WDR43: variants seen among roughly 807,000 people sequenced by gnomAD.
WDR43 encodes the protein WD repeat-containing protein 43.
WDR43 carries 13 observed loss-of-function variants against 91.4 expected under a neutral mutation model. That is an observed-to-expected ratio of 0.14 (90% CI 0.09 to 0.23). The LOEUF (loss-of-function observed/expected upper bound fraction) is 0.23. WDR43 is among the 10% of genes least tolerant of loss of function. The pLI is 1.00. For synonymous variants in WDR43, 331 were observed against 287.9 expected (o/e 1.15, Z -1.51); for missense variants, 780 against 809.4 (o/e 0.96, Z 0.44).
chr2:28,905,743 C>T (rs775561076), intron 2 of WDR43, among the ~76,000 whole-genome samples: 1 of 150,658 alleles, frequency 6.6e-6, no homozygotes, highest in African/African-American at 2.4e-5. Flanking sequence ...TGGCTCACTG[C>T]AACCTCTGCC....
At chr2:28,894,992 G>T (rs1670447849) in intron 1 of WDR43, 69 bp downstream of exon 1, 1 of 1,403,540 alleles carries the variant, frequency 7.1e-7, no homozygotes, top group Admixed American at 3.1e-5. Context: ...GGGCCGGGTG[G>T]CGCGTGGTCC....
chr2:28,919,261 A>G (rs1474471370), intron 6 of WDR43, among the ~76,000 whole-genome samples: 3 of 152,114 alleles, frequency 2.0e-5, no homozygotes, highest in Admixed American at 2.0e-4. Flanking sequence ...GTCTCAGTAA[A>G]TAAGTAAATA....
At chr2:28,938,162 C>A (rs1359150179) in intron 14 of WDR43, among the ~76,000 whole-genome samples, 168 bp downstream of exon 14, 1 of 152,124 alleles carries the variant, frequency 6.6e-6, no homozygotes. Context: ...TGACATGAGC[C>A]CTTTCATGAT....
intron 1 of WDR43, among the ~76,000 whole-genome samples, chr2:28,898,802 T>G (rs909280143): frequency 2.0e-5 from 3 of 152,228 alleles, no homozygotes; most frequent in Admixed American, 6.5e-5. Context: ...GTGTAGTGAC[T>G]GCATGTAAAA....
intron 3 of WDR43, among the ~76,000 whole-genome samples, chr2:28,912,350 C>A (rs1045316204): frequency 2.0e-5 from 3 of 152,282 alleles, no homozygotes; most frequent in South Asian, 4.1e-4. Flanking sequence ...TGTTGAGAAT[C>A]TTTATCCCAT....
At chr2:28,936,466 C>T (rs1396148794) in intron 12 of WDR43, among the ~76,000 whole-genome samples, 1 of 152,056 alleles carries the variant, frequency 6.6e-6, no homozygotes, top group Non-Finnish European at 1.5e-5. Context: ...TGTAATACTG[C>T]CTACTATAAA....
chr2:28,937,020 C>A, intron 13 of WDR43, 67 bp downstream of exon 13: 1 of 1,463,262 alleles, frequency 6.8e-7, no homozygotes, highest in South Asian at 1.3e-5. Flanking sequence ...TTAGGTGGTT[C>A]TGATTTCTAA....
At chr2:28,924,014 G>A (rs1671083460) in intron 7 of WDR43, among the ~76,000 whole-genome samples, 1 of 152,166 alleles carries the variant, frequency 6.6e-6, no homozygotes, top group Non-Finnish European at 1.5e-5. Context: ...GTGGAGTCAG[G>A]ATGATAGGAG....
chr2:28,894,748 T>C lies in WDR43; in HGVS notation c.50T>C (p.Val17Ala). 1 of 1,594,098 alleles carries C rather than the reference T, an allele frequency of 6.3e-7. No individual in the cohort carries two copies. Among genetic ancestry groups the C allele is most frequent in the Non-Finnish European group, 8.5e-7 (1 of 1,171,116 alleles). The change falls in exon 1 of 18, where the codon GTC (valine) becomes GCC (alanine). Residue 17 changes from valine (V) to alanine (A), a missense_variant. Coordinates refer to ENST00000407426, the MANE Select transcript of WDR43 (RefSeq NM_015131.3). The stretch of plus-strand genomic sequence containing the variant: ...TGCGACCCCCTGGCCCCTGCTGGGG[T>C]CCCTTGCGCCTTCTCCCCGCACAGC... ...GSCDPLAPAG[V>A]PCAFSPHSQA...
intron 5 of WDR43, among the ~76,000 whole-genome samples, chr2:28,915,909 A>T (rs1670899931): frequency 6.6e-6 from 1 of 152,226 alleles, no homozygotes; most frequent in Non-Finnish European, 1.5e-5. Flanking sequence ...AATTTATCAG[A>T]TCAACTCTTA....
intron 6 of WDR43, 96 bp from the exon 7 acceptor site, chr2:28,922,823 G>C (rs1445292369): frequency 4.5e-6 from 2 of 448,524 alleles, no homozygotes; most frequent in Non-Finnish European, 7.2e-6. Flanking sequence ...TTCTGGTTGT[G>C]TAATGGGGTG....
At chr2:28,910,275 G>A (rs1009508275) in intron 3 of WDR43, among the ~76,000 whole-genome samples, 1 of 152,180 alleles carries the variant, frequency 6.6e-6, no homozygotes, top group African/African-American at 2.4e-5. Flanking sequence ...TATCAGCCTC[G>A]TCTAGGCAGG....
intron 15 of WDR43, among the ~76,000 whole-genome samples, 180 bp from the exon 16 acceptor site, chr2:28,942,132 G>GT (rs1180711631): frequency 6.6e-6 from 1 of 152,150 alleles, no homozygotes; most frequent in African/African-American, 2.4e-5. Context: ...GCTTTACAGA[G>GT]TAATTCTTTC....
chr2:28,939,348 T>C (rs956876852), intron 14 of WDR43, among the ~76,000 whole-genome samples: 2 of 152,128 alleles, frequency 1.3e-5, no homozygotes, highest in African/African-American at 2.4e-5. Flanking sequence ...TGCTTAGAAG[T>C]GAGGAGAGAC....
intron 10 of WDR43, 81 bp downstream of exon 10, chr2:28,927,781 C>T (rs1205752525): frequency 1.3e-6 from 2 of 1,556,264 alleles, no homozygotes; most frequent in Admixed American, 1.8e-5. Context: ...TTGGATAGAG[C>T]CAAAGTTAAA....
rs70958224 is a variant in WDR43 at position 28,922,797 on chromosome 2, G to GTTTTTTT, written c.850-111_850-105dup. 181 of 233,828 alleles carry GTTTTTTT rather than the reference G, an allele frequency of 7.7e-4. 29 individuals are homozygous for GTTTTTTT. Among genetic ancestry groups the GTTTTTTT allele is most frequent in the South Asian group, 1.6e-3 (17 of 10,622 alleles). 14.5% of individuals were successfully genotyped at this position (233,828 alleles called of 1,614,324 possible). A position where few individuals can be genotyped will look rare whatever the true frequency, so the allele number is the denominator to read the frequency against. ...TTATTTTTAAATGGATTCTTGCTGT[G>GTTTTTTT]TTTTTTTTTTTTTTTTTCTGGTTGT... On this transcript the variant is annotated intron_variant, in intron 6 of 17. Coordinates refer to ENST00000407426, the MANE Select transcript of WDR43 (RefSeq NM_015131.3).
chr2:28,918,589 G>A (rs1281815143), intron 6 of WDR43, among the ~76,000 whole-genome samples: 3 of 151,720 alleles, frequency 2.0e-5, no homozygotes, highest in Non-Finnish European at 4.4e-5. Context: ...GGCTGGTCTC[G>A]AACTCCCCAC....
chr2:28,947,858 GTAGTAGT>G lies in WDR43; in HGVS notation c.*1081_*1087del. 1 of 130,200 alleles carries G rather than the reference GTAGTAGT, an allele frequency of 7.7e-6. No individual in the cohort carries two copies. Among genetic ancestry groups the G allele is most frequent in the Non-Finnish European group, 1.6e-5 (1 of 63,294 alleles). 8.1% of individuals were successfully genotyped at this position (130,200 alleles called of 1,614,324 possible). A position where few individuals can be genotyped will look rare whatever the true frequency, so the allele number is the denominator to read the frequency against. ...CTACAAAAGCCTTTGCAAATTATCA[GTAGTAGT>G]TTTTTTTTTTTTTTTTTTTTTTTTA... is the stretch of plus-strand genomic sequence containing the variant. On this transcript the variant is annotated 3_prime_UTR_variant, in exon 18 of 18. Coordinates refer to ENST00000407426, the MANE Select transcript of WDR43 (RefSeq NM_015131.3).
At chr2:28,927,519 G>A (rs1395290339) in intron 9 of WDR43, 50 bp from the exon 10 acceptor site, 2 of 1,604,448 alleles carry the variant, frequency 1.2e-6, no homozygotes, top group African/African-American at 1.3e-5. Flanking sequence ...GATACTTAAG[G>A]ACTAAGGTAT....
Sources: allele counts gnomAD v4.1 joint callset (sites outside exome capture counted in the v4.1 genomes callset), GRCh38; gene constraint gnomAD v4.1.1; transcripts MANE v1.5; gene names NCBI Gene and HGNC (gene_info 2026-07-23, HGNC 2026-07-21).